HSPBAP1: variants seen among roughly 807,000 people sequenced by gnomAD.
HSPBAP1 encodes the protein HSPB1-associated protein 1.
A neutral mutation model predicts 45.2 loss-of-function variants in HSPBAP1; 27 were observed. The ratio of observed to expected loss-of-function variants is 0.60; its 90% CI spans 0.44 to 0.82. HSPBAP1 has a LOEUF of 0.82. Ranked by LOEUF, HSPBAP1 falls within the 40% of genes least tolerant of loss-of-function variation. HSPBAP1 has a pLI of 0.00. For synonymous variants in HSPBAP1, 204 were observed against 202.7 expected (o/e 1.01, Z -0.06); for missense variants, 510 against 590.9 (o/e 0.86, Z 1.42).
intron 5 of HSPBAP1, 179 bp from the exon 6 acceptor site, chr3:122,752,853 T>C: frequency 7.3e-7 from 1 of 1,370,978 alleles, no homozygotes; most frequent in Non-Finnish European, 9.4e-7. Flanking sequence ...TTTTATTCCT[T>C]TTTTATTGAC....
chr3:122,744,122 C>T (rs1039744861), intron 6 of HSPBAP1, among the ~76,000 whole-genome samples: 3 of 151,696 alleles, frequency 2.0e-5, no homozygotes, highest in Non-Finnish European at 4.4e-5. Flanking sequence ...ATAAATATAA[C>T]AAAAGATATA....
chr3:122,785,932 T>C (rs1333314966), intron 1 of HSPBAP1, among the ~76,000 whole-genome samples: 1 of 152,114 alleles, frequency 6.6e-6, no homozygotes, highest in East Asian at 1.9e-4. Context: ...CGCGCACATA[T>C]GGAAGTTGCG....
chr3:122,752,671 G>T lies in HSPBAP1; in HGVS notation c.745C>A (p.Leu249Ile), dbSNP rs1219624955. The T allele has an allele frequency of 1.2e-6, 2 of 1,603,868 alleles. No homozygotes were observed. Among genetic ancestry groups the T allele is most frequent in the South Asian group, 1.1e-5 (1 of 88,776 alleles). ...TGCCACCAGTGTCTGGGAACAAAGAGAACCTGAAAACCAAACAAAGAATGG... is the reference window on the plus strand; with the variant it reads ...TGCCACCAGTGTCTGGGAACAAAGATAACCTGAAAACCAAACAAAGAATGG... The part of the protein sequence containing the change: ...HAVTLSPGQV[L>I]FVPRHWWHYV... The change falls in exon 6 of 8, where the codon CTC becomes ATC. Residue 249 changes from leucine to isoleucine, a missense_variant. By Grantham distance (5) the Leu-to-Ile change is conservative (BLOSUM62 2). Transcript: ENST00000306103.
chr3:122,770,544 C>CA lies in HSPBAP1; in HGVS notation c.251-1663dup, dbSNP rs1934957925. ...TGAAACCCTGTCTCTACAAAAAATACAAAAAAATTAGCCAGATGTGGTAGC... is the reference window on the plus strand; with the variant it reads ...TGAAACCCTGTCTCTACAAAAAATACAAAAAAAATTAGCCAGATGTGGTAGC... On this transcript the variant is annotated intron_variant, in intron 2 of 7. Transcript: ENST00000306103. Among the ~76,000 whole-genome samples, 3 of 151,952 alleles carry CA rather than the reference C, an allele frequency of 2.0e-5. No homozygotes were observed. In the South Asian group the frequency reaches 6.2e-4, roughly 32 times the overall value.
chr3:122,749,932 T>C (rs1022471899), intron 6 of HSPBAP1, among the ~76,000 whole-genome samples: 2 of 151,490 alleles, frequency 1.3e-5, no homozygotes, highest in South Asian at 4.2e-4. Context: ...TTAAAAAATA[T>C]ATTGCTGGAT....
intron 3 of HSPBAP1, among the ~76,000 whole-genome samples, chr3:122,761,108 G>C (rs573523567): frequency 5.9e-5 from 9 of 152,090 alleles, no homozygotes; most frequent in Non-Finnish European, 1.3e-4. Context: ...GGTCCTTGTT[G>C]AACAATTTAC....
chr3:122,757,889 TA>T (rs1306228442), intron 4 of HSPBAP1, among the ~76,000 whole-genome samples: 1 of 152,218 alleles, frequency 6.6e-6, no homozygotes, highest in Non-Finnish European at 1.5e-5. Flanking sequence ...TTACCAAGTT[TA>T]AGGTTTCAGC....
chr3:122,789,661 A>G (rs1404124147), intron 1 of HSPBAP1, among the ~76,000 whole-genome samples: 1 of 152,152 alleles, frequency 6.6e-6, no homozygotes, highest in Non-Finnish European at 1.5e-5. Flanking sequence ...AGAATACCTG[A>G]TTTTTAGCAA....
intron 1 of HSPBAP1, among the ~76,000 whole-genome samples, 164 bp downstream of exon 1, chr3:122,793,453 G>A (rs1351941206): frequency 6.6e-6 from 1 of 152,214 alleles, no homozygotes; most frequent in Non-Finnish European, 1.5e-5. Context: ...GCCACAATTC[G>A]AGAAATGCCA....
At chr3:122,778,765 C>T (rs376646400) in intron 1 of HSPBAP1, among the ~76,000 whole-genome samples, 7 of 152,070 alleles carry the variant, frequency 4.6e-5, no homozygotes, top group Admixed American at 3.9e-4. Context: ...CTCCTGACCT[C>T]GTGATCCACC....
At chr3:122,747,955 G>A (rs1418091576) in intron 6 of HSPBAP1, among the ~76,000 whole-genome samples, 3 of 152,234 alleles carry the variant, frequency 2.0e-5, no homozygotes, top group South Asian at 2.1e-4. Flanking sequence ...GAACGGTGGG[G>A]AAAAGATTGA....
At chr3:122,785,101 C>G (rs923000970) in intron 1 of HSPBAP1, among the ~76,000 whole-genome samples, 1 of 152,176 alleles carries the variant, frequency 6.6e-6, no homozygotes, top group African/African-American at 2.4e-5. Context: ...TGTGATTTAA[C>G]TAGGGCTAAA....
At chr3:122,752,469 A>G (rs1934187796) in intron 6 of HSPBAP1, 122 bp downstream of exon 6, 2 of 608,304 alleles carry the variant, frequency 3.3e-6, no homozygotes, top group African/African-American at 1.9e-5. Context: ...ACTGCAACAA[A>G]AAAATACTGA....
At chr3:122,747,747 C>G (rs574322866) in intron 6 of HSPBAP1, among the ~76,000 whole-genome samples, 2,369 of 89,800 alleles carry the variant, frequency 0.026, 56 homozygotes, top group African/African-American at 0.054. Flanking sequence ...CGCCCCGTCC[C>G]GGAGGGAGGT....
Position 122,740,338 on chromosome 3 carries a change from A to G in HSPBAP1, c.*7T>C. On this transcript the variant is annotated 3_prime_UTR_variant, in exon 8 of 8. Coordinates refer to ENST00000306103, the MANE Select transcript of HSPBAP1 (RefSeq NM_024610.6). ...AATATTATTTTAAAAGTCATCTTCCACTTGAATCATAAACTTCTTCCTTGT... is the reference window on the plus strand; with the variant it reads ...AATATTATTTTAAAAGTCATCTTCCGCTTGAATCATAAACTTCTTCCTTGT... 6.5e-7 allele frequency: 1 copy of G among 1,546,954 alleles called. No homozygotes were observed.
In HSPBAP1 at chr3:122,752,623, C is replaced by T. The variant is rs747016319; in HGVS notation, c.793G>A (p.Val265Ile). The change falls in exon 6 of 8, where the codon GTC (valine) becomes ATC (isoleucine). Residue 265 changes from valine to isoleucine, a missense_variant. Physicochemically the swap from Val to Ile is conservative, Grantham distance 29. Coordinates refer to ENST00000306103, the MANE Select transcript of HSPBAP1 (RefSeq NM_024610.6). ...ATCCATGAGTTTATACTGACAGTGA[C>T]AGGATCAATGGATTCTACGTAATGC... ...WWHYVESIDP[V>I]TVSINSWIEL... is the part of the protein sequence containing the mutation. 6.2e-7 allele frequency: 1 copy of T among 1,601,232 alleles called. No homozygotes were observed. Among genetic ancestry groups the T allele is most frequent in the Non-Finnish European group, 8.5e-7 (1 of 1,175,572 alleles).
At chr3:122,784,329 TGTTAA>T (rs1262322987) in intron 1 of HSPBAP1, among the ~76,000 whole-genome samples, 1 of 152,232 alleles carries the variant, frequency 6.6e-6, no homozygotes, top group Non-Finnish European at 1.5e-5. Context: ...CAGTAACTCA[TGTTAA>T]AGGAATTTAC....
At chr3:122,780,756 G>T (rs1935423532) in intron 1 of HSPBAP1, among the ~76,000 whole-genome samples, 1 of 151,652 alleles carries the variant, frequency 6.6e-6, no homozygotes, top group Non-Finnish European at 1.5e-5. Context: ...TCACTTCTCA[G>T]ACGGGGCGGC....
At chr3:122,766,686 C>T (rs758055042) in intron 3 of HSPBAP1, among the ~76,000 whole-genome samples, 4 of 152,154 alleles carry the variant, frequency 2.6e-5, no homozygotes, top group Non-Finnish European at 4.4e-5. Context: ...CCAACAGGAC[C>T]GAATGTATGC....
Sources: gnomAD v4.1 joint callset for allele counts (sites outside exome capture counted in the v4.1 genomes callset) on GRCh38, gnomAD v4.1.1 for gene constraint, MANE v1.5 for transcripts, NCBI Gene and HGNC (gene_info 2026-07-23, HGNC 2026-07-21) for gene names.